SLC22A23: variants seen among roughly 807,000 people sequenced by gnomAD.
SLC22A23 encodes the protein ion transporter protein.
SLC22A23 carries 26 observed loss-of-function variants against 61.0 expected under a neutral mutation model. The observed-to-expected ratio is 0.43, with a 90% CI of 0.31 to 0.59. The LOEUF (loss-of-function observed/expected upper bound fraction) is 0.59. Ranked by LOEUF, SLC22A23 falls within the 20% of genes least tolerant of loss-of-function variation. The probability of loss-of-function intolerance (pLI) is 0.11; values close to 1 mark genes in which losing one functional copy is unlikely to be tolerated. For missense variants in SLC22A23, 796 were observed against 934.7 expected (o/e 0.85, Z 1.94); for synonymous variants, 430 against 413.9 (o/e 1.04, Z -0.47).
chr6:3,335,744 T>C (rs1763816624), intron 3 of SLC22A23, among the ~76,000 whole-genome samples: 1 of 152,176 alleles, frequency 6.6e-6, no homozygotes, highest in African/African-American at 2.4e-5. Context: ...AAACCGTAAT[T>C]ACTTTTGCAC....
chr6:3,447,349 T>C (rs1158814360), intron 1 of SLC22A23, among the ~76,000 whole-genome samples: 1 of 152,156 alleles, frequency 6.6e-6, no homozygotes, highest in Non-Finnish European at 1.5e-5. Flanking sequence ...GTCAGGGTTT[T>C]GTTGTTGTTG....
intron 1 of SLC22A23, among the ~76,000 whole-genome samples, chr6:3,425,196 T>C (rs1330111930): frequency 6.6e-6 from 1 of 152,060 alleles, no homozygotes; most frequent in Non-Finnish European, 1.5e-5. Context: ...ATTGGTAATT[T>C]TCCTCCAGGG....
In SLC22A23 at chr6:3,455,395, T is replaced by C. The variant is rs142965091; in HGVS notation, c.654+511A>G. On this transcript the variant is annotated intron_variant, in intron 1 of 9. Transcript: ENST00000406686. ...TAGCAAAGCCTAAAGTCAGATATCTTTGGGGAGGACTAAGCATCGGCTGCG... is the reference window on the plus strand; with the variant it reads ...TAGCAAAGCCTAAAGTCAGATATCTCTGGGGAGGACTAAGCATCGGCTGCG... Among the ~76,000 whole-genome samples, 1,402 of 152,334 alleles carry C rather than the reference T, an allele frequency of 9.2e-3. 22 individuals are homozygous for C. The highest frequency in any genetic ancestry group is 0.03 in the African/African-American group (1,233 of 41,578).
At chr6:3,382,545 C>G (rs961610508) in intron 3 of SLC22A23, among the ~76,000 whole-genome samples, 1 of 152,184 alleles carries the variant, frequency 6.6e-6, no homozygotes, top group Non-Finnish European at 1.5e-5. Context: ...CATCTCTGAC[C>G]TAGTAGCAAC....
Position 3,424,890 on chromosome 6 carries a change from C to T in SLC22A23, c.655-9035G>A, listed in dbSNP as rs28402708. 7.6e-3 allele frequency among the ~76,000 whole-genome samples: 1,155 copies of T among 152,272 alleles called. 8 individuals are homozygous for T. Among genetic ancestry groups the T allele is most frequent in the Non-Finnish European group, 9.2e-3 (626 of 68,016 alleles). On this transcript the variant is annotated intron_variant, in intron 1 of 9. Coordinates refer to ENST00000406686, the MANE Select transcript of SLC22A23 (RefSeq NM_015482.2). ...CTTTTTAGAAAAATTTTGCTGACTC[C>T]TGCACTAGGCTGCAAGTTCCTTGAA...
At chr6:3,289,035 G>T (rs558472548) in intron 6 of SLC22A23, among the ~76,000 whole-genome samples, 1 of 152,232 alleles carries the variant, frequency 6.6e-6, no homozygotes, top group Non-Finnish European at 1.5e-5. Context: ...TCACAAATGA[G>T]TGCAACACCC....
intron 6 of SLC22A23, among the ~76,000 whole-genome samples, chr6:3,287,412 G>T (rs957113152): frequency 3.3e-5 from 5 of 152,114 alleles, no homozygotes; most frequent in African/African-American, 1.2e-4. Context: ...CCAAGACAAA[G>T]CGCTTTCCAG....
At chr6:3,298,808 TA>T (rs746210248) in intron 4 of SLC22A23, among the ~76,000 whole-genome samples, 4 of 151,310 alleles carry the variant, frequency 2.6e-5, no homozygotes, top group Non-Finnish European at 4.4e-5. Context: ...CCGTCTCTAC[TA>T]AAAATACAAA....
chr6:3,399,477 C>G (rs891687824), intron 3 of SLC22A23, among the ~76,000 whole-genome samples: 28 of 152,322 alleles, frequency 1.8e-4, no homozygotes, highest in African/African-American at 6.5e-4. Context: ...ACATCGCAAA[C>G]AGGAACTGCC....
In SLC22A23 at chr6:3,308,809, G is replaced by A. The variant is rs972429800; in HGVS notation, c.1083-10591C>T. 1.3e-5 allele frequency among the ~76,000 whole-genome samples: 2 copies of A among 151,970 alleles called. No individual in the cohort carries two copies. Among genetic ancestry groups the A allele is most frequent in the Non-Finnish European group, 2.9e-5 (2 of 68,018 alleles). On this transcript the variant is annotated intron_variant, in intron 4 of 9. Coordinates refer to ENST00000406686, the MANE Select transcript of SLC22A23 (RefSeq NM_015482.2). This position sits in a 1 kb window ranked among gnomAD's most constrained non-coding sequence, Gnocchi z 5.1. Reference sequence around the variant, plus strand: ...AATACAGAAATTAGCCAAGCATGGTGGCGCAGGCCTGTAATCCCAGCTACT... The same window carrying A: ...AATACAGAAATTAGCCAAGCATGGTAGCGCAGGCCTGTAATCCCAGCTACT...
chr6:3,454,164 G>A lies in SLC22A23; in HGVS notation c.654+1742C>T, dbSNP rs1037381338. ...CAGTCTGGCCCAGTAACTGCAACGT[G>A]TCATCAAGCATCACCCAAAACATGC... is the stretch of plus-strand genomic sequence containing the variant. On this transcript the variant is annotated intron_variant, in intron 1 of 9. Coordinates refer to ENST00000406686, the MANE Select transcript of SLC22A23 (RefSeq NM_015482.2). The surrounding 1 kb of genome is among the most constrained non-coding windows in gnomAD (Gnocchi z 4.3). Among the ~76,000 whole-genome samples, 3 of 152,130 alleles carry A rather than the reference G, an allele frequency of 2.0e-5. No homozygotes were observed. The highest frequency in any genetic ancestry group is 3.9e-4 in the East Asian group (2 of 5,192).
chr6:3,377,529 C>T (rs1766654645), intron 3 of SLC22A23, among the ~76,000 whole-genome samples: 2 of 152,208 alleles, frequency 1.3e-5, no homozygotes, highest in African/African-American at 4.8e-5. Flanking sequence ...GTGCTCTCTC[C>T]AGTCTGTGGG....
chr6:3,406,626 G>T (rs184594971), intron 3 of SLC22A23, among the ~76,000 whole-genome samples: 239 of 152,038 alleles, frequency 1.6e-3, no homozygotes, highest in Middle Eastern at 6.8e-3. Context: ...TAGTTCAGTG[G>T]CTCACAAAGG....
intron 1 of SLC22A23, among the ~76,000 whole-genome samples, chr6:3,426,987 G>A (rs1436331239): frequency 1.3e-5 from 2 of 152,226 alleles, no homozygotes; most frequent in Admixed American, 1.3e-4. Context: ...GAGCCTGGTA[G>A]CATGGAATTC....
chr6:3,402,594 A>C (rs1428270430), intron 3 of SLC22A23, among the ~76,000 whole-genome samples: 1 of 150,998 alleles, frequency 6.6e-6, no homozygotes, highest in Non-Finnish European at 1.5e-5. Flanking sequence ...GGCTCCAGCC[A>C]ACCCCAATCA....
chr6:3,409,542 G>A (rs1203511224), intron 3 of SLC22A23, among the ~76,000 whole-genome samples: 1 of 152,180 alleles, frequency 6.6e-6, no homozygotes, highest in Non-Finnish European at 1.5e-5. Flanking sequence ...TATAAAGCCA[G>A]TAAATAAGTA....
At chr6:3,369,520 A>G (rs1255850462) in intron 3 of SLC22A23, among the ~76,000 whole-genome samples, 2 of 152,024 alleles carry the variant, frequency 1.3e-5, no homozygotes, top group Non-Finnish European at 2.9e-5. Flanking sequence ...GTGAAACCCC[A>G]TCTCTACTAA....
chr6:3,379,370 T>C (rs1426615718), intron 3 of SLC22A23, among the ~76,000 whole-genome samples: 1 of 152,212 alleles, frequency 6.6e-6, no homozygotes, highest in East Asian at 1.9e-4. Context: ...AACCACCTAA[T>C]GCTCCCTGAT....
At chr6:3,403,568 G>A (rs766689362) in intron 3 of SLC22A23, among the ~76,000 whole-genome samples, 8 of 152,058 alleles carry the variant, frequency 5.3e-5, no homozygotes, top group Non-Finnish European at 8.8e-5. Context: ...TTTATAGATC[G>A]GCACTGGCGC....
Sources: allele counts gnomAD v4.1 joint callset (sites outside exome capture counted in the v4.1 genomes callset), GRCh38; gene constraint gnomAD v4.1.1; non-coding constraint Gnocchi (gnomAD v3.1); transcripts MANE v1.5; gene names NCBI Gene and HGNC (gene_info 2026-07-23, HGNC 2026-07-21).